The following PRKAR1B variants were observed in gnomAD, a reference collection of about 807,000 sequenced individuals.
PRKAR1B encodes the protein cAMP-dependent protein kinase type I-beta regulatory subunit.
PRKAR1B carries 22 observed loss-of-function variants against 46.5 expected under a neutral mutation model. The observed-to-expected ratio is 0.47, with a 90% CI of 0.34 to 0.68. The LOEUF (loss-of-function observed/expected upper bound fraction) is 0.68. Ranked by LOEUF, PRKAR1B falls within the 30% of genes least tolerant of loss-of-function variation. PRKAR1B has a pLI of 0.01. For missense variants in PRKAR1B, 445 were observed against 535.6 expected (o/e 0.83, Z 1.67); for synonymous variants, 259 against 217.7 (o/e 1.19, Z -1.67).
intron 9 of PRKAR1B, among the ~76,000 whole-genome samples, chr7:556,448 G>T (rs1365844793): frequency 6.6e-6 from 1 of 152,122 alleles, no homozygotes; most frequent in African/African-American, 2.4e-5. Context: ...GGGCCTCTGG[G>T]GACGTCCAGG....
At chr7:550,768 T>A (rs947986434) in intron 10 of PRKAR1B, among the ~76,000 whole-genome samples, 166 bp from the exon 11 acceptor site, 1 of 152,192 alleles carries the variant, frequency 6.6e-6, no homozygotes, top group Admixed American at 6.5e-5. Flanking sequence ...CCGAGAACTA[T>A]TTGGGATATA....
At chr7:625,137 A>G (rs1227733857) in intron 4 of PRKAR1B, among the ~76,000 whole-genome samples, 2 of 152,246 alleles carry the variant, frequency 1.3e-5, no homozygotes, top group African/African-American at 4.8e-5. Flanking sequence ...ATATTTGGAG[A>G]TTAAATAACA....
At chr7:728,845 C>G (rs1781459334), upstream of PRKAR1B, among the ~76,000 whole-genome samples, 1 of 152,136 alleles carries the variant, frequency 6.6e-6, no homozygotes, top group African/African-American at 2.4e-5. Context: ...TGGGGGGCCT[C>G]ACCTCTGGTC....
At chr7:587,595 C>T (rs1780670429) in intron 7 of PRKAR1B, among the ~76,000 whole-genome samples, 1 of 152,250 alleles carries the variant, frequency 6.6e-6, no homozygotes, top group Non-Finnish European at 1.5e-5. Flanking sequence ...CTTGAGCACA[C>T]CAAAGGTGGC....
intron 4 of PRKAR1B, among the ~76,000 whole-genome samples, chr7:615,125 CAAAG>C (rs561558214): frequency 5.3e-5 from 8 of 151,006 alleles, no homozygotes; most frequent in African/African-American, 9.7e-5. Context: ...AAGAGTGAGA[CAAAG>C]AAAGAGAGAA....
chr7:696,584 T>C (rs937695777), intron 2 of PRKAR1B: 1 of 152,382 alleles, frequency 6.6e-6, no homozygotes, highest in Non-Finnish European at 1.5e-5. Context: ...TCAATGGGAC[T>C]TAGCTTTTGA....
chr7:613,532 G>A (rs902366580), intron 4 of PRKAR1B, among the ~76,000 whole-genome samples: 2 of 152,176 alleles, frequency 1.3e-5, no homozygotes, highest in African/African-American at 2.4e-5. Flanking sequence ...AGCCAAACTC[G>A]CCTTCAAAAG....
At chr7:704,425 T>C (rs1364200853) in intron 2 of PRKAR1B, among the ~76,000 whole-genome samples, 1 of 151,884 alleles carries the variant, frequency 6.6e-6, no homozygotes, top group African/African-American at 2.4e-5. Context: ...GATGAGGTAA[T>C]ATTACTCTAT....
At chr7:598,416 C>A (rs1382590902) in intron 6 of PRKAR1B, among the ~76,000 whole-genome samples, 1 of 108,468 alleles carries the variant, frequency 9.2e-6, no homozygotes. Context: ...GCACCCTCCA[C>A]ACTAAACACC....
At chr7:610,543 T>C (rs958141598) in intron 4 of PRKAR1B, among the ~76,000 whole-genome samples, 2 of 152,136 alleles carry the variant, frequency 1.3e-5, no homozygotes, top group Non-Finnish European at 2.9e-5. Context: ...GGGAGCCCCA[T>C]TTTTCTTCAG....
Position 655,660 on chromosome 7 carries a change from C to T in PRKAR1B, c.440+21569G>A, listed in dbSNP as rs543157780. ...GGTATGGTAGGGGTGGTCTGTGTTG[C>T]GCATCTTGTATCTGCAGCCCCTCGG... On this transcript the variant is annotated intron_variant, in intron 4 of 10. Coordinates refer to ENST00000537384, the MANE Select transcript of PRKAR1B (RefSeq NM_001164760.2). 5.9e-5 allele frequency among the ~76,000 whole-genome samples: 9 copies of T among 152,292 alleles called. No individual in the cohort carries two copies. In the South Asian group the frequency reaches 1.0e-3, roughly 18 times the overall value.
chr7:685,365 C>CAT (rs1381328008), intron 2 of PRKAR1B, among the ~76,000 whole-genome samples: 3 of 41,562 alleles, frequency 7.2e-5, no homozygotes, highest in African/African-American at 3.3e-4. Flanking sequence ...TATATATATA[C>CAT]ACATATATAT....
At chr7:722,428 G>C (rs1336205989) in intron 1 of PRKAR1B, among the ~76,000 whole-genome samples, 2 of 151,554 alleles carry the variant, frequency 1.3e-5, no homozygotes, top group African/African-American at 4.9e-5. Flanking sequence ...GTAGAGATGG[G>C]GTTTCACCAT....
At chr7:591,124 C>T (rs1319705591) in intron 7 of PRKAR1B, among the ~76,000 whole-genome samples, 1 of 152,290 alleles carries the variant, frequency 6.6e-6, no homozygotes, top group African/African-American at 2.4e-5. Context: ...GCCTCGTGCA[C>T]CCGTCCATCT....
chr7:655,796 G>T (rs571160613), intron 4 of PRKAR1B, among the ~76,000 whole-genome samples: 2 of 152,144 alleles, frequency 1.3e-5, no homozygotes, highest in Non-Finnish European at 2.9e-5. Flanking sequence ...TTCAGAGTTG[G>T]TTCCCTGATT....
chr7:671,943 C>T (rs891028527), intron 4 of PRKAR1B, among the ~76,000 whole-genome samples: 2 of 152,194 alleles, frequency 1.3e-5, no homozygotes, highest in South Asian at 2.1e-4. Flanking sequence ...CACTCTATGA[C>T]GTGCAGGCCT....
intron 5 of PRKAR1B, 89 bp from the exon 6 acceptor site, chr7:606,328 T>G: frequency 8.2e-7 from 1 of 1,216,836 alleles, no homozygotes; most frequent in Non-Finnish European, 1.2e-6. Context: ...CGCAACACTG[T>G]TGCAGAGACC....
intron 1 of PRKAR1B, chr7:712,882 C>G (rs893479041): frequency 2.0e-5 from 3 of 152,346 alleles, no homozygotes; most frequent in South Asian, 2.1e-4. Flanking sequence ...CTGCAGGACA[C>G]CCGGTACCCA....
At chr7:664,275 G>A (rs1473176952) in intron 4 of PRKAR1B, among the ~76,000 whole-genome samples, 1 of 152,204 alleles carries the variant, frequency 6.6e-6, no homozygotes, top group Non-Finnish European at 1.5e-5. Flanking sequence ...GTGAAAGCTG[G>A]TGCATCCCTC....
Sources: allele counts gnomAD v4.1 joint callset (sites outside exome capture counted in the v4.1 genomes callset), GRCh38; gene constraint gnomAD v4.1.1; transcripts MANE v1.5; gene names NCBI Gene and HGNC (gene_info 2026-07-23, HGNC 2026-07-21).